The following UBL3 variants were observed in gnomAD, a reference collection of about 807,000 sequenced individuals.
The protein encoded by UBL3 is ubiquitin-like protein 3.
A neutral mutation model predicts 18.4 loss-of-function variants in UBL3; 6 were observed. The ratio of observed to expected loss-of-function variants is 0.33; its 90% CI spans 0.18 to 0.64. The LOEUF (loss-of-function observed/expected upper bound fraction) is 0.64, where lower values mean the gene tolerates loss of function less well. Ranked by LOEUF, UBL3 falls within the 30% of genes least tolerant of loss-of-function variation. The pLI is 0.76. For missense variants in UBL3, 109 were observed against 142.9 expected (o/e 0.76, Z 1.21); for synonymous variants, 49 against 46.6 (o/e 1.05, Z -0.21).
intron 1 of UBL3, among the ~76,000 whole-genome samples, chr13:29,788,586 G>A (rs1877386036): frequency 6.6e-6 from 1 of 151,952 alleles, no homozygotes; most frequent in Non-Finnish European, 1.5e-5. Context: ...TATCTTATTC[G>A]AATAGCCTCT....
intron 1 of UBL3, among the ~76,000 whole-genome samples, chr13:29,832,477 A>G (rs1021005651): frequency 2.0e-5 from 3 of 151,742 alleles, no homozygotes; most frequent in African/African-American, 7.3e-5. Context: ...GGACTACAGG[A>G]CCCCACCACC....
chr13:29,786,719 T>G (rs1383476310), intron 1 of UBL3, among the ~76,000 whole-genome samples: 2 of 152,038 alleles, frequency 1.3e-5, no homozygotes, highest in African/African-American at 2.4e-5. Flanking sequence ...ATATGCTAAA[T>G]GGATGGAAGA....
chr13:29,817,642 A>T (rs542919590), intron 1 of UBL3, among the ~76,000 whole-genome samples: 33 of 152,320 alleles, frequency 2.2e-4, no homozygotes, highest in African/African-American at 7.9e-4. Flanking sequence ...ATCATAGATA[A>T]TTTTTTTAAA....
intron 1 of UBL3, among the ~76,000 whole-genome samples, chr13:29,777,717 CAA>C (rs1877038099): frequency 6.6e-6 from 1 of 152,064 alleles, no homozygotes; most frequent in Admixed American, 6.6e-5. Flanking sequence ...AAACTATATA[CAA>C]GTTTTTTTCC....
intron 1 of UBL3, among the ~76,000 whole-genome samples, chr13:29,784,692 G>A (rs1263666641): frequency 6.6e-6 from 1 of 152,124 alleles, no homozygotes; most frequent in Non-Finnish European, 1.5e-5. Context: ...ATGGCCAGCT[G>A]GAAGGGGAGA....
intron 1 of UBL3, among the ~76,000 whole-genome samples, chr13:29,829,620 T>C (rs1336074954): frequency 6.6e-6 from 1 of 152,208 alleles, no homozygotes; most frequent in Non-Finnish European, 1.5e-5. Context: ...GGGAATTCCT[T>C]GACCCCTTGC....
intron 1 of UBL3, among the ~76,000 whole-genome samples, chr13:29,809,387 G>GA (rs1877980460): frequency 6.6e-6 from 1 of 152,026 alleles, no homozygotes; most frequent in Non-Finnish European, 1.5e-5. Context: ...CACATCTGAG[G>GA]AAAAAATAAA....
rs1040198952 is a variant in UBL3 at position 29,766,465 on chromosome 13, C to T, written c.*790G>A. 3.9e-5 allele frequency: 6 copies of T among 152,512 alleles called. No individual in the cohort carries two copies. The highest frequency in any genetic ancestry group is 3.9e-4 in the East Asian group (2 of 5,188). The allele number at this position is 152,512 out of a possible 1,614,324, so 9.4% of individuals were successfully genotyped here. On this transcript the variant is annotated 3_prime_UTR_variant, in exon 5 of 5. Transcript: ENST00000380680. ...AATATTTCTGCACAATAATGAAAGC[C>T]GATGAGTGACTGAAACTACCCTCCC...
At chr13:29,824,418 G>A (rs1878562585) in intron 1 of UBL3, among the ~76,000 whole-genome samples, 1 of 152,142 alleles carries the variant, frequency 6.6e-6, no homozygotes, top group African/African-American at 2.4e-5. Flanking sequence ...GTGTGAGATG[G>A]TATCTCATTG....
At chr13:29,823,969 G>C (rs1878549047) in intron 1 of UBL3, among the ~76,000 whole-genome samples, 1 of 149,770 alleles carries the variant, frequency 6.7e-6, no homozygotes, top group South Asian at 2.1e-4. Flanking sequence ...TTGGTTTTCT[G>C]TCCTTGCGAT....
intron 1 of UBL3, among the ~76,000 whole-genome samples, chr13:29,843,743 C>T (rs1879163842): frequency 6.6e-6 from 1 of 152,192 alleles, no homozygotes; most frequent in African/African-American, 2.4e-5. Flanking sequence ...AGATTTTCAA[C>T]AGACTGTAAA....
In UBL3 at chr13:29,838,371, C is replaced by T. The variant is rs1215470716; in HGVS notation, c.27+11141G>A. ...ACAATCAAAAAGAAAGAAATGAAGACCTCCAGAAAGGTAAATTTGAGGACA... is the reference window on the plus strand; with the variant it reads ...ACAATCAAAAAGAAAGAAATGAAGATCTCCAGAAAGGTAAATTTGAGGACA... On this transcript the variant is annotated intron_variant, in intron 1 of 4. Coordinates refer to ENST00000380680, the MANE Select transcript of UBL3 (RefSeq NM_007106.4). 3.3e-5 allele frequency among the ~76,000 whole-genome samples: 5 copies of T among 152,186 alleles called. No homozygotes were observed. The South Asian group carries it at 8.3e-4, about 25-fold the overall frequency.
intron 1 of UBL3, among the ~76,000 whole-genome samples, chr13:29,823,197 C>T (rs999184753): frequency 6.6e-6 from 1 of 152,092 alleles, no homozygotes; most frequent in Non-Finnish European, 1.5e-5. Flanking sequence ...GGCTGGAGTG[C>T]AATGGTGTGA....
At chr13:29,772,544 A>G (rs1876870685) in intron 2 of UBL3, among the ~76,000 whole-genome samples, 1 of 152,128 alleles carries the variant, frequency 6.6e-6, no homozygotes. Flanking sequence ...ACCAGTAATT[A>G]ACACATAGTA....
chr13:29,768,769 G>C (rs780391583), intron 3 of UBL3, among the ~76,000 whole-genome samples: 1 of 152,126 alleles, frequency 6.6e-6, no homozygotes, highest in Non-Finnish European at 1.5e-5. Flanking sequence ...AAAAAGGGAG[G>C]CTTTTAGAAT....
chr13:29,812,690 G>C (rs1878125349), intron 1 of UBL3, among the ~76,000 whole-genome samples: 1 of 151,852 alleles, frequency 6.6e-6, no homozygotes, highest in South Asian at 2.1e-4. Flanking sequence ...TTTGGAACTT[G>C]GATATATGAA....
At chr13:29,810,305 A>G (rs1271843736) in intron 1 of UBL3, among the ~76,000 whole-genome samples, 1 of 152,116 alleles carries the variant, frequency 6.6e-6, no homozygotes, top group Non-Finnish European at 1.5e-5. Flanking sequence ...GGTCATCAGC[A>G]TTTAAGTGGT....
chr13:29,835,753 C>CAAAAAA (rs34271187), intron 1 of UBL3, among the ~76,000 whole-genome samples: 2 of 37,040 alleles, frequency 5.4e-5, no homozygotes, highest in African/African-American at 1.1e-4. Flanking sequence ...GACGCTGTCT[C>CAAAAAA]AAAAAAAAAA....
chr13:29,822,748 T>C (rs1593669258), intron 1 of UBL3, among the ~76,000 whole-genome samples: 1 of 147,720 alleles, frequency 6.8e-6, no homozygotes, highest in South Asian at 2.2e-4. Flanking sequence ...TATGATGTGT[T>C]AAAAAGAAGC....
Sources: allele counts gnomAD v4.1 joint callset (sites outside exome capture counted in the v4.1 genomes callset), GRCh38; gene constraint gnomAD v4.1.1; transcripts MANE v1.5; gene names NCBI Gene and HGNC (gene_info 2026-07-23, HGNC 2026-07-21).